The following CDH18 variants were observed in gnomAD, a reference collection of about 807,000 sequenced individuals.
CDH18 encodes cadherin 18, also known as cadherin-18.
In CDH18, 31 loss-of-function variants were observed where a neutral mutation model predicts 67.9. The observed-to-expected ratio is 0.46, with a 90% CI of 0.34 to 0.62. The LOEUF (loss-of-function observed/expected upper bound fraction) is 0.62. CDH18 is among the 20% of genes least tolerant of loss of function. CDH18 has a pLI of 0.01. For synonymous variants in CDH18, 362 were observed against 347.2 expected, an observed-to-expected ratio of 1.04 and a Z score of -0.48; for missense variants, 890 against 975.5, an observed-to-expected ratio of 0.91 and a Z score of 1.17.
intron 5 of CDH18, among the ~76,000 whole-genome samples, chr5:19,658,213 T>C (rs576023449): frequency 6.6e-6 from 1 of 152,138 alleles, no homozygotes; most frequent in African/African-American, 2.4e-5. Flanking sequence ...CCTTTTTATA[T>C]GTAACATAAG....
intron 1 of CDH18, among the ~76,000 whole-genome samples, chr5:20,517,388 A>G (rs1031029826): frequency 3.3e-5 from 5 of 151,888 alleles, no homozygotes; most frequent in African/African-American, 9.6e-5. Flanking sequence ...AGATGTTATG[A>G]CAAATGAATA....
intron 5 of CDH18, among the ~76,000 whole-genome samples, chr5:19,631,261 T>C (rs1204402447): frequency 6.6e-6 from 1 of 152,054 alleles, no homozygotes; most frequent in African/African-American, 2.4e-5. Flanking sequence ...ATGTAACAAA[T>C]GCAAATTTTT....
At chr5:19,545,297 T>C (rs1736123903) in intron 8 of CDH18, among the ~76,000 whole-genome samples, 1 of 152,160 alleles carries the variant, frequency 6.6e-6, no homozygotes, top group Non-Finnish European at 1.5e-5. Context: ...ACAGTTTCAA[T>C]TGGTTAGAAA....
rs577299953 is a variant in CDH18, at chr5:19,643,371, T to A, written c.644-30770A>T. Among the ~76,000 whole-genome samples the A allele has an allele frequency of 7.9e-5, 12 of 152,254 alleles. No individual in the cohort carries two copies. The East Asian group carries it at 2.3e-3, about 29-fold the overall frequency. On this transcript the variant is annotated intron_variant, in intron 5 of 12. Transcript: ENST00000382275. ...AAATGAAATCAATATTTTGAGAAGA[T>A]AACTATAGTCCCATGTTCATTGTAG...
At chr5:19,672,150 C>T (rs570254425) in intron 5 of CDH18, among the ~76,000 whole-genome samples, 2 of 152,228 alleles carry the variant, frequency 1.3e-5, no homozygotes, top group Non-Finnish European at 2.9e-5. Flanking sequence ...ACAGCTGCAT[C>T]CTGATACAGA....
At chr5:19,590,519 C>G (rs186508398) in intron 7 of CDH18, among the ~76,000 whole-genome samples, 1 of 108,588 alleles carries the variant, frequency 9.2e-6, no homozygotes, top group South Asian at 3.3e-4. Flanking sequence ...GACAGACAGA[C>G]AGATAGATAG....
intron 1 of CDH18, among the ~76,000 whole-genome samples, chr5:19,985,898 G>T (rs1313294974): frequency 6.6e-6 from 1 of 152,112 alleles, no homozygotes; most frequent in African/African-American, 2.4e-5. Context: ...TCCTAGCTTG[G>T]TTGAAGTGTT....
chr5:19,547,393 G>A (rs1171383441), intron 8 of CDH18, among the ~76,000 whole-genome samples: 1 of 152,130 alleles, frequency 6.6e-6, no homozygotes, highest in Non-Finnish European at 1.5e-5. Flanking sequence ...GTTGCCTGCA[G>A]CAACTATCAG....
intron 1 of CDH18, among the ~76,000 whole-genome samples, chr5:20,516,826 G>C (rs1361323128): frequency 1.3e-5 from 2 of 151,790 alleles, no homozygotes; most frequent in Non-Finnish European, 2.9e-5. Flanking sequence ...CTTTGGAGAG[G>C]CTGGAAGCAG....
At chr5:20,509,436 T>C (rs1754881021) in intron 1 of CDH18, among the ~76,000 whole-genome samples, 1 of 150,432 alleles carries the variant, frequency 6.6e-6, no homozygotes, top group Non-Finnish European at 1.5e-5. Flanking sequence ...TGGAGTCTCA[T>C]TCTGTCACCA....
Position 19,927,916 on chromosome 5 carries a change from A to T in CDH18, c.-257+53144T>A, listed in dbSNP as rs181370855. Among the ~76,000 whole-genome samples the T allele has an allele frequency of 2.6e-5, 4 of 152,116 alleles. No individual in the cohort carries two copies. The East Asian group carries it at 7.7e-4, about 29-fold the overall frequency. Reference sequence around the variant, plus strand: ...CAAATTTTGCTTCATTGTGATTCTGAGTCTTTAAATAGAGAATTTGGCTGC... The same window carrying T: ...CAAATTTTGCTTCATTGTGATTCTGTGTCTTTAAATAGAGAATTTGGCTGC... On this transcript the variant is annotated intron_variant, in intron 2 of 12. Transcript: ENST00000382275.
At chr5:20,356,970 A>C in intron 1 of CDH18, among the ~76,000 whole-genome samples, 1 of 151,296 alleles carries the variant, frequency 6.6e-6, no homozygotes, top group Non-Finnish European at 1.5e-5. Flanking sequence ...ACTGTAAGTC[A>C]GTATATATGT....
intron 4 of CDH18, among the ~76,000 whole-genome samples, chr5:19,739,017 CCTTT>C (rs1056415538): frequency 6.6e-5 from 10 of 151,988 alleles, no homozygotes; most frequent in South Asian, 2.1e-4. Flanking sequence ...GTTTATTGGG[CCTTT>C]CTTTAATTTA....
intron 9 of CDH18, among the ~76,000 whole-genome samples, chr5:19,537,510 T>C (rs1354957172): frequency 6.6e-6 from 1 of 152,076 alleles, no homozygotes; most frequent in African/African-American, 2.4e-5. Flanking sequence ...TCTGTTTCTC[T>C]GGAGAATCCT....
At chr5:19,959,188 C>T (rs2150294518) in intron 2 of CDH18, among the ~76,000 whole-genome samples, 1 of 152,076 alleles carries the variant, frequency 6.6e-6, no homozygotes, top group African/African-American at 2.4e-5. Flanking sequence ...AACAGAGAGT[C>T]CTGAAAGCAG....
chr5:19,947,940 A>C (rs1795433824), intron 2 of CDH18, among the ~76,000 whole-genome samples: 3 of 152,174 alleles, frequency 2.0e-5, no homozygotes, highest in African/African-American at 7.2e-5. Context: ...TAAACAAATA[A>C]ACAAATACAT....
chr5:19,564,537 C>T (rs1266545474), intron 8 of CDH18, among the ~76,000 whole-genome samples: 3 of 152,078 alleles, frequency 2.0e-5, no homozygotes, highest in Non-Finnish European at 2.9e-5. Context: ...TACTAAAGAT[C>T]CCTTGGACCT....
chr5:20,215,979 T>C (rs1048604114), intron 2 of CDH18, among the ~76,000 whole-genome samples: 3 of 151,760 alleles, frequency 2.0e-5, no homozygotes, highest in South Asian at 2.1e-4. Flanking sequence ...TATCAAAAGA[T>C]GAAGGGTGGG....
intron 4 of CDH18, among the ~76,000 whole-genome samples, chr5:19,745,539 T>C (rs2150725868): frequency 6.6e-6 from 1 of 152,304 alleles, no homozygotes; most frequent in South Asian, 2.1e-4. Flanking sequence ...GGTTTGTGGG[T>C]ATCAGTTCCT....
Sources: allele counts gnomAD v4.1 joint callset (sites outside exome capture counted in the v4.1 genomes callset), GRCh38; gene constraint gnomAD v4.1.1; transcripts MANE v1.5; gene names NCBI Gene and HGNC (gene_info 2026-07-23, HGNC 2026-07-21).